PLEKHG4B: variants seen among roughly 807,000 people sequenced by gnomAD.
PLEKHG4B encodes the protein pleckstrin homology and RhoGEF domain containing G4B, also known as pleckstrin homology domain-containing family G member 4B.
PLEKHG4B carries 111 observed loss-of-function variants against 121.3 expected under a neutral mutation model. The observed-to-expected ratio is 0.92, with a 90% CI of 0.78 to 1.07. The LOEUF (loss-of-function observed/expected upper bound fraction) is 1.07. Ranked by LOEUF, PLEKHG4B falls within the 50% of genes least tolerant of loss-of-function variation. The probability of loss-of-function intolerance (pLI) is 0.00; values close to 1 mark genes in which losing one functional copy is unlikely to be tolerated. For missense variants in PLEKHG4B, 1,831 were observed against 1,757.8 expected (o/e 1.04, Z -0.74); for synonymous variants, 738 against 725.0 (o/e 1.02, Z -0.29).
intron 11 of PLEKHG4B, 76 bp from the exon 12 acceptor site, chr5:161,707 G>A: frequency 3.1e-6 from 5 of 1,601,864 alleles, no homozygotes; most frequent in East Asian, 2.2e-5. Flanking sequence ...GTGGCTACAC[G>A]CAGACCCAGC....
rs1172916991 is a variant in PLEKHG4B at position 173,138 on chromosome 5, C to T, written c.4221+71C>T. On this transcript the variant is annotated intron_variant, in intron 17 of 19. Coordinates refer to ENST00000637938, the MANE Select transcript of PLEKHG4B (RefSeq NM_052909.5). ...CCAAGGGGGTCTCGGACCCTTGTCT[C>T]ACCTAAGGCCAGCAGAGGAACTGGG... The T allele has an allele frequency of 2.7e-6, 4 of 1,473,554 alleles. No homozygotes were observed. In the Admixed American group the frequency reaches 7.2e-5, roughly 26 times the overall value. 91.3% of individuals were successfully genotyped at this position (1,473,554 alleles called of 1,614,324 possible).
chr5:180,999 G>A (rs940213722), intron 18 of PLEKHG4B, among the ~76,000 whole-genome samples: 3 of 152,176 alleles, frequency 2.0e-5, no homozygotes, highest in African/African-American at 7.2e-5. Context: ...ATGCAATTAT[G>A]TTTTCTGTCC....
In PLEKHG4B at chr5:181,641, C is replaced by T. The variant is rs371498774; in HGVS notation, c.4530C>T (p.Ser1510=). The change falls in exon 19 of 20, where the codon AGC becomes AGT. Residue 1510 remains serine (S), a synonymous_variant. Coordinates refer to ENST00000637938, the MANE Select transcript of PLEKHG4B (RefSeq NM_052909.5). ...SDRAPKCAVM[S]DRVPDSIVKG... ...GGGCTCCCAAATGTGCAGTGATGAG[C>T]GACCGAGTCCCCGACAGCATCGTCA... 1.0e-4 allele frequency: 163 copies of T among 1,613,762 alleles called. No individual in the cohort carries two copies. The South Asian group carries it at 1.5e-3, about 15-fold the overall frequency.
intron 2 of PLEKHG4B, among the ~76,000 whole-genome samples, chr5:125,726 G>A (rs1734594666): frequency 2.0e-5 from 3 of 152,148 alleles, no homozygotes; most frequent in Admixed American, 2.0e-4. Flanking sequence ...AGTCCTTCAA[G>A]TTACTGTCTA....
At chr5:168,381 C>T (rs1051180802) in intron 13 of PLEKHG4B, among the ~76,000 whole-genome samples, 2 of 152,216 alleles carry the variant, frequency 1.3e-5, no homozygotes, top group Non-Finnish European at 2.9e-5. Flanking sequence ...GCCACTGCAG[C>T]CCCCGAGTAC....
At chr5:99,740 T>C (rs1733746456) in intron 1 of PLEKHG4B, among the ~76,000 whole-genome samples, 1 of 152,106 alleles carries the variant, frequency 6.6e-6, no homozygotes, top group Non-Finnish European at 1.5e-5. Flanking sequence ...GTTTGGTTAC[T>C]CAGACTAAAA....
At chr5:114,238 A>G (rs1423506871) in intron 2 of PLEKHG4B, among the ~76,000 whole-genome samples, 2 of 152,132 alleles carry the variant, frequency 1.3e-5, no homozygotes. Context: ...ATGAGACCAC[A>G]ATGAAGTTTT....
intron 2 of PLEKHG4B, among the ~76,000 whole-genome samples, chr5:135,682 A>AATATATATATAT (rs70955207): frequency 3.6e-4 from 7 of 19,606 alleles, no homozygotes; most frequent in East Asian, 1.9e-3. Context: ...AAAAAAAAAA[A>AATATATATATAT]ATATATATAT....
At chr5:145,330 A>G (rs1331262035) in intron 6 of PLEKHG4B, among the ~76,000 whole-genome samples, 1 of 152,146 alleles carries the variant, frequency 6.6e-6, no homozygotes, top group Non-Finnish European at 1.5e-5. Flanking sequence ...CCCTTCAGAC[A>G]AAGGACAGAG....
intron 2 of PLEKHG4B, among the ~76,000 whole-genome samples, chr5:134,685 G>A (rs987643108): frequency 2.6e-5 from 4 of 151,182 alleles, no homozygotes; most frequent in Admixed American, 2.0e-4. Context: ...AGAATCACTC[G>A]AACCTGGGAG....
At chr5:104,242 C>T (rs1053241184) in intron 1 of PLEKHG4B, among the ~76,000 whole-genome samples, 3 of 151,674 alleles carry the variant, frequency 2.0e-5, no homozygotes, top group African/African-American at 7.3e-5. Flanking sequence ...AGCCCAGTCC[C>T]AGCACCGATT....
Position 173,995 on chromosome 5 carries a change from A to C in PLEKHG4B, c.4299A>C (p.Lys1433Asn), listed in dbSNP as rs1736664404. ...RFEIWFRRRR[K>N]SQDTYILQAS... ...AGATTTGGTTTCGCAGGCGGCGGAA[A>C]TCTCAGGACACCTACATTCTCCAAG... The change falls in exon 18 of 20, where the codon AAA becomes AAC. Residue 1433 changes from lysine (K) to asparagine (N), a missense_variant. Lys to Asn is a moderately conservative substitution (Grantham distance 94). Coordinates refer to ENST00000637938, the MANE Select transcript of PLEKHG4B (RefSeq NM_052909.5). 2 of 1,611,280 alleles carry C rather than the reference A, an allele frequency of 1.2e-6. No individual in the cohort carries two copies. The highest frequency in any genetic ancestry group is 2.2e-5 in the South Asian group (2 of 90,376).
chr5:104,607 G>A (rs1733920913), intron 1 of PLEKHG4B, among the ~76,000 whole-genome samples: 2 of 152,138 alleles, frequency 1.3e-5, no homozygotes, highest in Non-Finnish European at 2.9e-5. Flanking sequence ...TTTGAAAAGA[G>A]GAAGAGGGCT....
Position 113,343 on chromosome 5 carries a change from G to C in PLEKHG4B, c.138G>C (p.Leu46=), listed in dbSNP as rs1734212861. The change falls in exon 2 of 20, where the codon CTG becomes CTC. Residue 46 remains leucine (L), a synonymous_variant. Coordinates refer to ENST00000637938, the MANE Select transcript of PLEKHG4B (RefSeq NM_052909.5). This position sits in a 1 kb window ranked among gnomAD's most constrained non-coding sequence, Gnocchi z 5.2. ...CGGCAGCCACGGTGCTCTGGCAGCT[G>C]TTCAGCGTGGCCGAGAGGTGCCACG... is the stretch of plus-strand genomic sequence containing the variant. ...EATAATVLWQ[L]FSVAERCHGG... 5.0e-6 allele frequency: 2 copies of C among 399,166 alleles called. No individual in the cohort carries two copies. The highest frequency in any genetic ancestry group is 8.8e-6 in the Non-Finnish European group (2 of 226,150). 24.7% of individuals were successfully genotyped at this position (399,166 alleles called of 1,614,324 possible).
chr5:141,921 C>T (rs1297772090), intron 3 of PLEKHG4B, among the ~76,000 whole-genome samples: 1 of 152,166 alleles, frequency 6.6e-6, no homozygotes, highest in Admixed American at 6.5e-5. Context: ...CCAACCCCTC[C>T]TACCTGCCTG....
chr5:174,083 G>A lies in PLEKHG4B; in HGVS notation c.4387G>A (p.Ala1463Thr). The change falls in exon 18 of 20, where the codon GCA becomes ACA. Residue 1463 changes from alanine (A) to threonine (T), a missense_variant. Physicochemically the swap from Ala to Thr is moderately conservative, Grantham distance 58. Transcript: ENST00000637938. ...DVIGRILWRQ[A>T]LKSRELRIQE... ...CATAGGGAGGATCCTGTGGCGGCAG[G>A]CACTAAAGAGCAGAGGTGGGAAGAT... 1.9e-6 allele frequency: 3 copies of A among 1,555,074 alleles called. No individual in the cohort carries two copies. Among genetic ancestry groups the A allele is most frequent in the Non-Finnish European group, 2.6e-6 (3 of 1,148,568 alleles).
intron 2 of PLEKHG4B, among the ~76,000 whole-genome samples, chr5:138,401 A>G (rs1017132175): frequency 2.0e-5 from 3 of 152,216 alleles, no homozygotes; most frequent in African/African-American, 7.2e-5. Context: ...TCAGCCACCT[A>G]GGGATGCTCA....
At chr5:134,090 T>TAGA (rs1280978615) in intron 2 of PLEKHG4B, among the ~76,000 whole-genome samples, 39 of 106,684 alleles carry the variant, frequency 3.7e-4, no homozygotes, top group African/African-American at 1.7e-3. Context: ...TATATATATA[T>TAGA]ATATATATAT....
chr5:178,800 C>A (rs1053751110), intron 18 of PLEKHG4B, among the ~76,000 whole-genome samples: 5 of 152,162 alleles, frequency 3.3e-5, no homozygotes, highest in African/African-American at 1.2e-4. Flanking sequence ...AGGACTCCCC[C>A]ACGGATACCC....
Sources: gnomAD v4.1 joint callset for allele counts (sites outside exome capture counted in the v4.1 genomes callset) on GRCh38, gnomAD v4.1.1 for gene constraint, Gnocchi (gnomAD v3.1) non-coding constraint, MANE v1.5 for transcripts, NCBI Gene and HGNC (gene_info 2026-07-23, HGNC 2026-07-21) for gene names.